ADK: variants seen among roughly 807,000 people sequenced by gnomAD.
ADK encodes the protein N6,N6-dimethyladenosine kinase.
ADK carries 24 observed loss-of-function variants against 44.7 expected under a neutral mutation model. The observed-to-expected ratio is 0.54, with a 90% CI of 0.39 to 0.76. ADK has a LOEUF of 0.76. ADK is among the 30% of genes least tolerant of loss of function. ADK has a pLI of 0.00. For synonymous variants in ADK, 128 were observed against 142.6 expected, an observed-to-expected ratio of 0.90 and a Z score of 0.73; for missense variants, 321 against 425.1, an observed-to-expected ratio of 0.76 and a Z score of 2.15.
rs545772998 is a variant in ADK, at chr10:74,498,016, A to G, written c.556-27240A>G. 1.1e-3 allele frequency among the ~76,000 whole-genome samples: 166 copies of G among 151,430 alleles called. 1 individual carries two copies. Among genetic ancestry groups the G allele is most frequent in the African/African-American group, 4.0e-3 (163 of 41,214 alleles). On this transcript the variant is annotated intron_variant, in intron 6 of 10. Coordinates refer to ENST00000539909, the MANE Select transcript of ADK (RefSeq NM_006721.4). ...GCCATTCTCCTGCCTCAGCCTCCCC[A>G]GTAGCTGGGACTACAGGCACCTGCC...
intron 10 of ADK, among the ~76,000 whole-genome samples, chr10:74,700,516 T>G (rs1856384271): frequency 6.6e-6 from 1 of 152,094 alleles, no homozygotes; most frequent in South Asian, 2.1e-4. Flanking sequence ...GTGCTGGGAT[T>G]ACAGGCGTGA....
chr10:74,356,474 G>T lies in ADK; in HGVS notation c.274-37667G>T, dbSNP rs182066402. 2.2e-4 allele frequency among the ~76,000 whole-genome samples: 34 copies of T among 152,076 alleles called. 1 individual carries two copies. The East Asian group carries it at 2.5e-3, about 11-fold the overall frequency. ...ATAGATTAATTAGAATAAATGAAGT[G>T]TTCTTTTTTCATTCTGTTTGTACAG... On this transcript the variant is annotated intron_variant, in intron 4 of 10. Coordinates refer to ENST00000539909, the MANE Select transcript of ADK (RefSeq NM_006721.4).
At chr10:74,656,589 G>A (rs1327007171) in intron 9 of ADK, among the ~76,000 whole-genome samples, 3 of 152,004 alleles carry the variant, frequency 2.0e-5, no homozygotes, top group Non-Finnish European at 2.9e-5. Context: ...CTTAAGCATG[G>A]GGTCCCAACT....
At position 74,508,107 on chromosome 10, in the gene ADK, C is replaced by T. The variant is rs141353226; in HGVS notation, c.556-17149C>T. 5.3e-5 allele frequency among the ~76,000 whole-genome samples: 8 copies of T among 152,208 alleles called. No individual in the cohort carries two copies. In the East Asian group the frequency reaches 1.5e-3, roughly 29 times the overall value. On this transcript the variant is annotated intron_variant, in intron 6 of 10. Coordinates refer to ENST00000539909, the MANE Select transcript of ADK (RefSeq NM_006721.4). ...AGCTGGTTTACTATAAGTTGGAGTA[C>T]TATCGTGGAGCACTTTGAATGCTGG...
intron 6 of ADK, among the ~76,000 whole-genome samples, chr10:74,479,188 G>A (rs929427764): frequency 2.0e-5 from 3 of 151,402 alleles, no homozygotes; most frequent in African/African-American, 7.3e-5. Context: ...TTGTAAAGAC[G>A]TGGTTTCACC....
At chr10:74,618,350 G>T (rs1319727933) in intron 9 of ADK, among the ~76,000 whole-genome samples, 2 of 151,988 alleles carry the variant, frequency 1.3e-5, no homozygotes, top group African/African-American at 2.4e-5. Context: ...GAGTGCAGTG[G>T]TGTGATCTCA....
At chr10:74,447,972 G>A (rs537820305) in intron 6 of ADK, among the ~76,000 whole-genome samples, 49 of 152,152 alleles carry the variant, frequency 3.2e-4, no homozygotes, top group African/African-American at 9.9e-4. Flanking sequence ...TCAGGAGTTC[G>A]AGACCAGTCT....
chr10:74,180,365 G>T (rs1489693928), intron 1 of ADK, among the ~76,000 whole-genome samples: 1 of 149,506 alleles, frequency 6.7e-6, no homozygotes, highest in Non-Finnish European at 1.5e-5. Context: ...AGCCTCCCGA[G>T]TAGCTGGGTT....
At chr10:74,593,926 A>G (rs1270065811) in intron 8 of ADK, among the ~76,000 whole-genome samples, 1 of 152,216 alleles carries the variant, frequency 6.6e-6, no homozygotes, top group African/African-American at 2.4e-5. Context: ...ATGTGTCTTT[A>G]TATCAGAATG....
intron 3 of ADK, among the ~76,000 whole-genome samples, chr10:74,274,283 C>T (rs760544173): frequency 3.0e-4 from 45 of 152,066 alleles, no homozygotes; most frequent in Non-Finnish European, 5.3e-4. Context: ...AAATCATGGC[C>T]GGGCGTGGTA....
intron 7 of ADK, among the ~76,000 whole-genome samples, chr10:74,549,527 C>G (rs1200377594): frequency 6.6e-6 from 1 of 152,114 alleles, no homozygotes; most frequent in African/African-American, 2.4e-5. Flanking sequence ...TCTCAACTTC[C>G]CAGGCTCAGG....
chr10:74,313,504 A>T (rs1302126163), intron 3 of ADK, among the ~76,000 whole-genome samples: 1 of 152,040 alleles, frequency 6.6e-6, no homozygotes, highest in South Asian at 2.1e-4. Context: ...TATTTTTAGC[A>T]TCCGGTATTC....
At chr10:74,356,015 T>TTGG (rs1564672715) in intron 4 of ADK, among the ~76,000 whole-genome samples, 1 of 133,060 alleles carries the variant, frequency 7.5e-6, no homozygotes, top group Non-Finnish European at 1.6e-5. Flanking sequence ...TTTTTTTTTT[T>TTGG]TTTTTTTTTT....
rs1192890268 is a variant in ADK, at chr10:74,177,923, T to TTATATA, written c.66-22823_66-22818dup. Among the ~76,000 whole-genome samples the TTATATA allele has an allele frequency of 6.7e-3, 870 of 130,236 alleles. 9 individuals carry two copies. Among genetic ancestry groups the TTATATA allele is most frequent in the African/African-American group, 0.017 (599 of 35,250 alleles). The allele number at this position is 130,236 out of a possible 152,430, so 85.4% of individuals were successfully genotyped here. A position where few individuals can be genotyped will look rare whatever the true frequency, so the allele number is the denominator to read the frequency against. On this transcript the variant is annotated intron_variant, in intron 1 of 10. Coordinates refer to ENST00000539909, the MANE Select transcript of ADK (RefSeq NM_006721.4). ...ATAGTCTGTCTCTTAAATTGCATAA[T>TTATATA]TATATATATATATATATATATATTT...
At chr10:74,682,911 T>TA (rs971033624) in intron 10 of ADK, among the ~76,000 whole-genome samples, 13 of 152,300 alleles carry the variant, frequency 8.5e-5, no homozygotes, top group African/African-American at 3.1e-4. Context: ...GGTCAGACCT[T>TA]ACCCTGGCAG....
chr10:74,225,584 T>G (rs1844503916), intron 3 of ADK, among the ~76,000 whole-genome samples: 1 of 152,224 alleles, frequency 6.6e-6, no homozygotes, highest in Admixed American at 6.5e-5. Flanking sequence ...GTAAATTATT[T>G]TCTTCTCTCC....
In ADK at chr10:74,411,650, C is replaced by T. The variant is rs543338799; in HGVS notation, c.555+13071C>T. On this transcript the variant is annotated intron_variant, in intron 6 of 10. Coordinates refer to ENST00000539909, the MANE Select transcript of ADK (RefSeq NM_006721.4). ...CCAGTGTTGATGGCTGCTGACTGCT[C>T]AGAGTGGTGGCTTCTGAAGGTTGGG... Among the ~76,000 whole-genome samples the T allele has an allele frequency of 4.9e-4, 75 of 152,296 alleles. 2 individuals carry two copies. In the South Asian group the frequency reaches 0.015, roughly 30 times the overall value.
intron 9 of ADK, among the ~76,000 whole-genome samples, chr10:74,638,346 A>G (rs1018139981): frequency 2.6e-5 from 4 of 152,266 alleles, no homozygotes; most frequent in South Asian, 4.1e-4. Flanking sequence ...TACATGCTCT[A>G]TATCACCATA....
chr10:74,394,202 T>A lies in ADK; in HGVS notation c.335T>A (p.Phe112Tyr). ...TFFGCIGIDK[F>Y]GEILKRKAAE... ...TTTGGATGCATTGGGATAGATAAAT[T>A]TGGGGAGATCCTGAAGAGAAAAGCT... is the stretch of plus-strand genomic sequence containing the variant. Residue 112 changes from phenylalanine (F) to tyrosine (Y), a missense_variant, in exon 5 of 11, where the codon TTT (phenylalanine) becomes TAT (tyrosine). Transcript: ENST00000539909. 1.2e-6 allele frequency: 2 copies of A among 1,613,960 alleles called. No homozygotes were observed. The highest frequency in any genetic ancestry group is 1.7e-6 in the Non-Finnish European group (2 of 1,179,948).
Sources: gnomAD v4.1 joint callset for allele counts (sites outside exome capture counted in the v4.1 genomes callset) on GRCh38, gnomAD v4.1.1 for gene constraint, MANE v1.5 for transcripts, NCBI Gene and HGNC (gene_info 2026-07-23, HGNC 2026-07-21) for gene names.